Variants in MYT1L observed in about 807,000 individuals in gnomAD.
The protein encoded by MYT1L is myelin transcription factor 1 like, also known as myelin transcription factor 1-like protein.
A neutral mutation model predicts 126.7 loss-of-function variants in MYT1L; 12 were observed. That is an observed-to-expected ratio of 0.09 (90% CI 0.06 to 0.15). MYT1L has a LOEUF of 0.15. Among genes scored for constraint, MYT1L ranks in the 10% least tolerant of loss-of-function variants. The pLI, the probability that MYT1L is intolerant of heterozygous loss-of-function variation, is 1.00. For missense variants in MYT1L, 979 were observed against 1,585.2 expected, an observed-to-expected ratio of 0.62 and a Z score of 6.49; for synonymous variants, 541 against 604.2, an observed-to-expected ratio of 0.90 and a Z score of 1.53.
intron 19 of MYT1L, among the ~76,000 whole-genome samples, chr2:1,850,246 T>C (rs2043089790): frequency 8.2e-6 from 1 of 122,016 alleles, no homozygotes; most frequent in African/African-American, 3.4e-5. Context: ...CTTCCTTCCT[T>C]CCTTCCCTGT....
At chr2:2,238,042 G>A (rs2094360494) in intron 2 of MYT1L, among the ~76,000 whole-genome samples, 1 of 152,218 alleles carries the variant, frequency 6.6e-6, no homozygotes, top group South Asian at 2.1e-4. Context: ...ATAATGGAAA[G>A]ACAAGATCAT....
chr2:1,929,312 C>T lies in MYT1L; in HGVS notation c.506-6049G>A, dbSNP rs762353955. Among the ~76,000 whole-genome samples the T allele has an allele frequency of 2.0e-5, 3 of 152,268 alleles. No individual in the cohort carries two copies. The highest frequency in any genetic ancestry group is 2.9e-5 in the Non-Finnish European group (2 of 68,022). On this transcript the variant is annotated intron_variant, in intron 9 of 24. Transcript: ENST00000647738. The surrounding 1 kb of genome is among the most constrained non-coding windows in gnomAD (Gnocchi z 4.7). ...ATTCTCACTTCCAGCACGAGATCCC[C>T]GCACCCCTCCTCTGCCTCCCTCATC... is the stretch of plus-strand genomic sequence containing the variant.
At chr2:2,260,538 A>T (rs1253621568) in intron 2 of MYT1L, among the ~76,000 whole-genome samples, 2 of 152,186 alleles carry the variant, frequency 1.3e-5, no homozygotes, top group Non-Finnish European at 2.9e-5. Flanking sequence ...CAGAACTATC[A>T]CCTACTTCAG....
intron 23 of MYT1L, among the ~76,000 whole-genome samples, chr2:1,798,106 T>TC (rs2034081613): frequency 3.2e-5 from 1 of 31,126 alleles, no homozygotes; most frequent in Non-Finnish European, 5.8e-5. Context: ...GCGGTCTCCC[T>TC]CTTCTCCGGC....
intron 18 of MYT1L, among the ~76,000 whole-genome samples, chr2:1,857,208 A>G (rs1295726237): frequency 2.0e-5 from 3 of 152,228 alleles, no homozygotes; most frequent in Admixed American, 6.5e-5. Flanking sequence ...TGGGTCCACC[A>G]TCATCTATCT....
intron 2 of MYT1L, among the ~76,000 whole-genome samples, chr2:2,273,953 C>G (rs1299104914): frequency 1.3e-5 from 2 of 152,026 alleles, no homozygotes; most frequent in Non-Finnish European, 1.5e-5. Flanking sequence ...CTGTAAAGAC[C>G]TTACAGAACA....
intron 3 of MYT1L, among the ~76,000 whole-genome samples, chr2:2,156,275 T>C (rs1341931115): frequency 6.6e-6 from 1 of 152,236 alleles, no homozygotes; most frequent in Non-Finnish European, 1.5e-5. Flanking sequence ...GATATTCCAG[T>C]GACTTCTTAC....
chr2:1,981,185 T>C (rs969681032), intron 5 of MYT1L, among the ~76,000 whole-genome samples: 1 of 152,220 alleles, frequency 6.6e-6, no homozygotes, highest in African/African-American at 2.4e-5. Flanking sequence ...AACCAGCAGC[T>C]ATTTATTGAT....
chr2:2,237,249 C>T (rs561548880), intron 2 of MYT1L, among the ~76,000 whole-genome samples: 161 of 152,214 alleles, frequency 1.1e-3, no homozygotes, highest in Middle Eastern at 3.4e-3. Context: ...CACCTCATTC[C>T]GTCTGAAGAT....
intron 13 of MYT1L, among the ~76,000 whole-genome samples, chr2:1,909,266 CAG>C (rs970811079): frequency 4.6e-5 from 7 of 152,102 alleles, no homozygotes; most frequent in Admixed American, 2.6e-4. Context: ...AAAGAAATAA[CAG>C]AAGCAAAGTG....
At chr2:2,101,697 C>T (rs1484750155) in intron 3 of MYT1L, among the ~76,000 whole-genome samples, 2 of 152,010 alleles carry the variant, frequency 1.3e-5, no homozygotes, top group Non-Finnish European at 2.9e-5. Context: ...TTCATCCATC[C>T]ATCCATTAAT....
At chr2:2,181,131 T>C (rs1407665442) in intron 2 of MYT1L, among the ~76,000 whole-genome samples, 4 of 152,022 alleles carry the variant, frequency 2.6e-5, no homozygotes, top group Admixed American at 2.0e-4. Context: ...TGTGTGCCTG[T>C]GTACCTGTGT....
At chr2:2,155,612 C>T (rs572686198) in intron 3 of MYT1L, among the ~76,000 whole-genome samples, 155 of 152,220 alleles carry the variant, frequency 1.0e-3, no homozygotes, top group Middle Eastern at 3.4e-3. Flanking sequence ...CCTCAATCTC[C>T]CCATTGCAAT....
chr2:2,180,474 G>A (rs568560556), intron 2 of MYT1L, among the ~76,000 whole-genome samples: 1 of 152,256 alleles, frequency 6.6e-6, no homozygotes, highest in African/African-American at 2.4e-5. Context: ...GAGACAACTC[G>A]ATGTGGGTGT....
At chr2:2,019,446 T>C (rs1299837151) in intron 4 of MYT1L, among the ~76,000 whole-genome samples, 1 of 152,228 alleles carries the variant, frequency 6.6e-6, no homozygotes, top group Admixed American at 6.5e-5. Flanking sequence ...ATTAACAGCA[T>C]GAGAACAGAC....
chr2:1,792,861 T>C (rs532049359), intron 23 of MYT1L, among the ~76,000 whole-genome samples: 1 of 13,276 alleles, frequency 7.5e-5, no homozygotes, highest in Non-Finnish European at 1.7e-4. Flanking sequence ...CAGACCGAGA[T>C]TCCGTCTCAC....
At chr2:1,905,180 A>G (rs2050882572) in intron 13 of MYT1L, among the ~76,000 whole-genome samples, 1 of 152,128 alleles carries the variant, frequency 6.6e-6, no homozygotes, top group African/African-American at 2.4e-5. Context: ...ATCATTTTAC[A>G]CACTATAAAG....
At chr2:2,227,107 C>CTGGG (rs1397589728) in intron 2 of MYT1L, among the ~76,000 whole-genome samples, 9 of 152,104 alleles carry the variant, frequency 5.9e-5, no homozygotes, top group East Asian at 5.8e-4. Flanking sequence ...GGATCCCTTC[C>CTGGG]ACCCTGGGGA....
chr2:2,328,460 G>A (rs1167363210), intron 1 of MYT1L, among the ~76,000 whole-genome samples: 2 of 152,138 alleles, frequency 1.3e-5, no homozygotes, highest in Non-Finnish European at 2.9e-5. Context: ...AAGAAGACTA[G>A]GTACTCATAT....
Sources: gnomAD v4.1 joint callset for allele counts (sites outside exome capture counted in the v4.1 genomes callset) on GRCh38, gnomAD v4.1.1 for gene constraint, Gnocchi (gnomAD v3.1) non-coding constraint, MANE v1.5 for transcripts, NCBI Gene and HGNC (gene_info 2026-07-23, HGNC 2026-07-21) for gene names.